The following SULT2A1 variants were observed in gnomAD, a reference collection of about 807,000 sequenced individuals.
SULT2A1 encodes sulfotransferase family 2A member 1.
SULT2A1 carries 43 observed loss-of-function variants against 33.9 expected under a neutral mutation model. That is an observed-to-expected ratio of 1.27 (90% CI 1.00 to 1.64). The LOEUF is 1.64. Ranked by LOEUF, SULT2A1 falls within the 40% of genes most tolerant of loss-of-function variation. SULT2A1 has a pLI of 0.00. For synonymous variants in SULT2A1, 125 were observed against 113.6 expected (o/e 1.10, Z -0.64); for missense variants, 300 against 335.1 (o/e 0.90, Z 0.82).
chr19:47,876,768 T>TAAAAA lies in SULT2A1; in HGVS notation c.568-1939_568-1935dup, dbSNP rs34642376. Among the ~76,000 whole-genome samples the TAAAAA allele has an allele frequency of 7.4e-3, 632 of 85,506 alleles. 17 individuals are homozygous for TAAAAA. Among genetic ancestry groups the TAAAAA allele is most frequent in the African/African-American group, 0.028 (600 of 21,216 alleles). The allele number at this position is 85,506 out of a possible 152,430, so 56.1% of individuals were successfully genotyped here. A position where few individuals can be genotyped will look rare whatever the true frequency, so the allele number is the denominator to read the frequency against. ...CTGGGTGACAGAGCAAGACTCTGTC[T>TAAAAA]AAAAAAAAAAAAAAAAAAAAAGATG... On this transcript the variant is annotated intron_variant, in intron 4 of 5. Transcript: ENST00000222002.
chr19:47,874,564 C>T, intron 5 of SULT2A1, 93 bp downstream of exon 5: 1 of 591,754 alleles, frequency 1.7e-6, no homozygotes, highest in South Asian at 2.6e-5. Context: ...AAAAAAAGCA[C>T]TCTTTCATCT....
intron 4 of SULT2A1, among the ~76,000 whole-genome samples, chr19:47,876,446 G>T (rs2122146105): frequency 6.6e-6 from 1 of 152,192 alleles, no homozygotes; most frequent in South Asian, 2.1e-4. Context: ...GTACAACTAT[G>T]GAAATAACTA....
chr19:47,882,741 C>T (rs1349059421), intron 2 of SULT2A1, among the ~76,000 whole-genome samples: 1 of 151,640 alleles, frequency 6.6e-6, no homozygotes, highest in Non-Finnish European at 1.5e-5. Context: ...ATAGTGAAAC[C>T]CTGTGTCTAC....
chr19:47,886,244 A>G lies in SULT2A1; in HGVS notation c.14T>C (p.Phe5Ser). The change falls in exon 1 of 6, where the codon TTC becomes TCC. Residue 5 changes from phenylalanine (F) to serine (S), a missense_variant. Phe to Ser is a radical substitution (Grantham distance 155, BLOSUM62 -2). Coordinates refer to ENST00000222002, the MANE Select transcript of SULT2A1 (RefSeq NM_003167.4). MSDD[F>S]LWFEGIAFPT... ...GAAAGCTATGCCTTCAAACCATAAG[A>G]AATCGTCCGACATGATGATGACCTC... 6.2e-7 allele frequency: 1 copy of G among 1,613,954 alleles called. No homozygotes were observed. The highest frequency in any genetic ancestry group is 1.1e-5 in the South Asian group (1 of 91,078).
intron 3 of SULT2A1, 34 bp downstream of exon 3, chr19:47,882,050 C>T (rs745892061): frequency 6.2e-7 from 1 of 1,610,734 alleles, no homozygotes; most frequent in East Asian, 2.2e-5. Flanking sequence ...GGCTAGAAGA[C>T]TCCAAGCACC....
intron 5 of SULT2A1, among the ~76,000 whole-genome samples, chr19:47,872,523 G>A (rs1180838933): frequency 1.3e-5 from 2 of 152,002 alleles, no homozygotes; most frequent in Non-Finnish European, 2.9e-5. Context: ...TTGGAACGCT[G>A]CTCTCTCAGA....
chr19:47,886,214 G>T lies in SULT2A1; in HGVS notation c.44C>A (p.Thr15Asn), dbSNP rs774254425. Reference protein sequence around the residue: ...FLWFEGIAFPTMGFRSETLRK... With the variant: ...FLWFEGIAFPNMGFRSETLRK... ...TAAGGTTTCGGATCTGAAACCCATA[G>T]TAGGGAAAGCTATGCCTTCAAACCA... The change falls in exon 1 of 6, where the codon ACT becomes AAT. Residue 15 changes from threonine to asparagine, a missense_variant. Coordinates refer to ENST00000222002, the MANE Select transcript of SULT2A1 (RefSeq NM_003167.4). 7 of 1,614,096 alleles carry T rather than the reference G, an allele frequency of 4.3e-6. No homozygotes were observed. The highest frequency in any genetic ancestry group is 5.9e-6 in the Non-Finnish European group (7 of 1,180,028).
chr19:47,886,089 A>C (rs764258440), intron 1 of SULT2A1, 33 bp downstream of exon 1: 48 of 1,607,822 alleles, frequency 3.0e-5, no homozygotes, highest in Non-Finnish European at 3.7e-5. Context: ...ACACAACCAC[A>C]GCCTTTCTCA....
At chr19:47,874,860 G>T in intron 4 of SULT2A1, 26 bp from the exon 5 acceptor site, 1 of 1,604,316 alleles carries the variant, frequency 6.2e-7, no homozygotes, top group Non-Finnish European at 8.5e-7. Context: ...CAAGAGAGAG[G>T]ATACGAAAGA....
Position 47,879,119 on chromosome 19 carries a change from AC to A in SULT2A1, c.483del (p.Ser162HisfsTer12). 6.2e-7 allele frequency: 1 copy of A among 1,612,242 alleles called. No individual in the cohort carries two copies. The highest frequency in any genetic ancestry group is 8.5e-7 in the Non-Finnish European group (1 of 1,178,360). ...CAGCCATGAATGTGGTCAAACCATGACCCATATAGCACTGCATGGGGTGGCA... is the reference window on the plus strand; with the variant it reads ...CAGCCATGAATGTGGTCAAACCATGACCATATAGCACTGCATGGGGTGGCA... ...EWFCQGTVLY[G>X]SWFDHIHGWM... On this transcript the variant is annotated frameshift_variant, in exon 4 of 6. Coordinates refer to ENST00000222002, the MANE Select transcript of SULT2A1 (RefSeq NM_003167.4). LOFTEE classifies it high-confidence loss of function.
intron 5 of SULT2A1, 40 bp downstream of exon 5, chr19:47,874,617 G>T (rs766137199): frequency 2.2e-5 from 34 of 1,568,122 alleles, no homozygotes; most frequent in Non-Finnish European, 3.0e-5. Flanking sequence ...TGCATGCCGT[G>T]TATTCTGGTA....
At chr19:47,881,845 A>G (rs1253726117) in intron 3 of SULT2A1, among the ~76,000 whole-genome samples, 1 of 151,982 alleles carries the variant, frequency 6.6e-6, no homozygotes, top group Non-Finnish European at 1.5e-5. Context: ...TTCCTGTGCT[A>G]GTATTGGAGG....
intron 1 of SULT2A1, among the ~76,000 whole-genome samples, chr19:47,884,643 T>C (rs898072397): frequency 6.6e-6 from 1 of 151,840 alleles, no homozygotes; most frequent in Non-Finnish European, 1.5e-5. Context: ...GCATGTGCCA[T>C]CGCGCTGGGC....
chr19:47,878,991 TGGTGGTGAGAGGGTGTGCA>T (rs1968575569), intron 4 of SULT2A1, 26 bp downstream of exon 4: 1 of 1,176,600 alleles, frequency 8.5e-7, no homozygotes, highest in Non-Finnish European at 1.3e-6. Context: ...AAAGTAAGGA[TGGTGGTGAGAGGGTGTGCA>T]CTGACTCTAA....
intron 4 of SULT2A1, 59 bp from the exon 5 acceptor site, chr19:47,874,893 G>C: frequency 6.7e-7 from 1 of 1,481,602 alleles, no homozygotes; most frequent in Non-Finnish European, 9.3e-7. Context: ...TGGGCGTGGT[G>C]GTTCACGCCT....
chr19:47,882,235 A>G (rs767021650), intron 2 of SULT2A1, 25 bp from the exon 3 acceptor site: 1 of 1,604,016 alleles, frequency 6.2e-7, no homozygotes, highest in Admixed American at 1.7e-5. Flanking sequence ...CGGGAGAATG[A>G]AAAATCAATA....
At chr19:47,885,078 T>C (rs554356060) in intron 1 of SULT2A1, among the ~76,000 whole-genome samples, 1 of 152,314 alleles carries the variant, frequency 6.6e-6, no homozygotes, top group East Asian at 1.9e-4. Context: ...CCCAAAGTGC[T>C]GGGATTACAG....
At chr19:47,878,485 G>T (rs1003731554) in intron 4 of SULT2A1, among the ~76,000 whole-genome samples, 1 of 148,224 alleles carries the variant, frequency 6.7e-6, no homozygotes, top group East Asian at 2.0e-4. Flanking sequence ...ACTGCACCCG[G>T]TGCCAAAAAA....
chr19:47,883,684 T>A lies in SULT2A1; in HGVS notation c.238A>T (p.Ser80Cys). 1.9e-6 allele frequency: 3 copies of A among 1,614,052 alleles called. No homozygotes were observed. The highest frequency in any genetic ancestry group is 2.5e-6 in the Non-Finnish European group (3 of 1,179,986). The change falls in exon 2 of 6, where the codon AGT (serine) becomes TGT (cysteine). Residue 80 changes from serine to cysteine, a missense_variant. Transcript: ENST00000222002. Reference protein sequence around the residue: ...PIWERSPWVESEIGYTALSET... With the variant: ...PIWERSPWVECEIGYTALSET... Reference sequence around the variant, plus strand: ...CTGAGTGCTGTATACCCAATCTCACTCTCTACCCAGGGTGATCGCTCCCAG... The same window carrying A: ...CTGAGTGCTGTATACCCAATCTCACACTCTACCCAGGGTGATCGCTCCCAG...
Sources: allele counts gnomAD v4.1 joint callset (sites outside exome capture counted in the v4.1 genomes callset), GRCh38; gene constraint gnomAD v4.1.1; transcripts MANE v1.5; gene names NCBI Gene and HGNC (gene_info 2026-07-23, HGNC 2026-07-21).